Variants in VEPH1 observed in about 807,000 individuals in gnomAD.
The protein encoded by VEPH1 is ventricular zone-expressed PH domain-containing protein homolog 1.
VEPH1 carries 80 observed loss-of-function variants against 85.2 expected under a neutral mutation model. The observed-to-expected ratio is 0.94, with a 90% CI of 0.78 to 1.13. The LOEUF is 1.13. Ranked by LOEUF, VEPH1 falls within the 50% of genes most tolerant of loss-of-function variation. The probability of loss-of-function intolerance (pLI) is 0.00; values close to 1 mark genes in which losing one functional copy is unlikely to be tolerated. For synonymous variants in VEPH1, 297 were observed against 348.0 expected, an observed-to-expected ratio of 0.85 and a Z score of 1.63; for missense variants, 955 against 980.5, an observed-to-expected ratio of 0.97 and a Z score of 0.35.
chr3:157,284,459 C>A lies in VEPH1; in HGVS notation c.2128+2098G>T, dbSNP rs867475365. 9.9e-5 allele frequency among the ~76,000 whole-genome samples: 15 copies of A among 152,086 alleles called. No individual in the cohort carries two copies. The South Asian group carries it at 1.0e-3, about 11-fold the overall frequency. ...AAGGAATATGCTAGCTGTGCATGAC[C>A]AATAAAGCATTTGTTGCTATGTCTC... On this transcript the variant is annotated intron_variant, in intron 12 of 13. Transcript: ENST00000362010.
intron 4 of VEPH1, among the ~76,000 whole-genome samples, chr3:157,441,524 T>C (rs1413349284): frequency 2.0e-5 from 3 of 152,196 alleles, no homozygotes; most frequent in Non-Finnish European, 1.5e-5. Context: ...AAATGTATTC[T>C]GCAGGCCAGG....
chr3:157,379,686 C>T (rs1192064883), intron 7 of VEPH1, among the ~76,000 whole-genome samples: 2 of 152,212 alleles, frequency 1.3e-5, no homozygotes, highest in African/African-American at 4.8e-5. Context: ...CTGGAAATGG[C>T]ATGCATCATT....
chr3:157,381,611 T>G (rs932982557), intron 6 of VEPH1: 1 of 508,730 alleles, frequency 2.0e-6, no homozygotes, highest in South Asian at 2.2e-5. Flanking sequence ...CCCAGCTACT[T>G]GAGAGGCTGA....
intron 6 of VEPH1, among the ~76,000 whole-genome samples, chr3:157,386,491 G>A (rs1186256828): frequency 6.6e-6 from 1 of 152,110 alleles, no homozygotes; most frequent in African/African-American, 2.4e-5. Flanking sequence ...TTTCCAGGGG[G>A]AGGCAGTGGG....
At chr3:157,436,885 G>A (rs779979127) in intron 4 of VEPH1, 3 of 1,598,472 alleles carry the variant, frequency 1.9e-6, no homozygotes, top group Non-Finnish European at 2.6e-6. Context: ...CAGCTCACTT[G>A]AGAGTCTCCT....
chr3:157,369,180 G>GAAAAAAAAAAAAAAAAACAA (rs1727125257), intron 7 of VEPH1, among the ~76,000 whole-genome samples: 1 of 42,780 alleles, frequency 2.3e-5, no homozygotes, highest in African/African-American at 8.4e-5. Context: ...AAAACCAAAT[G>GAAAAAAAAAAAAAAAAACAA]AAAAAAAAAA....
intron 11 of VEPH1, 119 bp downstream of exon 11, chr3:157,313,499 GATA>G (rs1437472273): frequency 9.5e-6 from 11 of 1,162,796 alleles, no homozygotes; most frequent in African/African-American, 3.1e-5. Context: ...AGTGTTTTAT[GATA>G]ATAATAAAAG....
intron 9 of VEPH1, among the ~76,000 whole-genome samples, chr3:157,347,448 A>G (rs893878764): frequency 6.6e-6 from 1 of 152,220 alleles, no homozygotes; most frequent in Admixed American, 6.5e-5. Flanking sequence ...TGCTACATGA[A>G]ACATGGGCCA....
At chr3:157,307,891 T>A (rs1234441434) in intron 11 of VEPH1, among the ~76,000 whole-genome samples, 1 of 151,684 alleles carries the variant, frequency 6.6e-6, no homozygotes, top group Admixed American at 6.6e-5. Context: ...TATTAAAAAA[T>A]TTTTTATCAT....
intron 12 of VEPH1, among the ~76,000 whole-genome samples, chr3:157,278,018 C>G (rs577952239): frequency 6.6e-6 from 1 of 152,212 alleles, no homozygotes; most frequent in East Asian, 1.9e-4. Flanking sequence ...TTTATTGGTA[C>G]ATATTTATTG....
At chr3:157,390,283 G>A (rs986879675) in intron 6 of VEPH1, among the ~76,000 whole-genome samples, 2 of 152,154 alleles carry the variant, frequency 1.3e-5, no homozygotes, top group South Asian at 2.1e-4. Context: ...TTAGGGTTAC[G>A]ATTATAATTC....
intron 3 of VEPH1, among the ~76,000 whole-genome samples, chr3:157,460,695 A>C (rs1735785925): frequency 6.6e-6 from 1 of 152,176 alleles, no homozygotes; most frequent in African/African-American, 2.4e-5. Context: ...GACCTCATGG[A>C]TGAATAAGAG....
chr3:157,381,635 C>T (rs1728787136), intron 6 of VEPH1: 1 of 462,704 alleles, frequency 2.2e-6, no homozygotes, highest in Admixed American at 3.5e-5. Flanking sequence ...ACGAGAATCA[C>T]TTGAACGCAG....
intron 7 of VEPH1, among the ~76,000 whole-genome samples, chr3:157,373,905 T>A (rs1458769700): frequency 6.6e-6 from 1 of 152,212 alleles, no homozygotes; most frequent in African/African-American, 2.4e-5. Context: ...TGTCCTTACA[T>A]GGCAGAGCCA....
chr3:157,310,840 T>C (rs762293889), intron 11 of VEPH1, among the ~76,000 whole-genome samples: 2 of 152,154 alleles, frequency 1.3e-5, no homozygotes, highest in Non-Finnish European at 2.9e-5. Context: ...CCATATTTCA[T>C]TGGCTGAAGC....
chr3:157,445,436 C>T (rs967289431), intron 4 of VEPH1, among the ~76,000 whole-genome samples: 5 of 152,084 alleles, frequency 3.3e-5, no homozygotes, highest in Non-Finnish European at 7.4e-5. Context: ...TCCTGGCCAA[C>T]ATGGTGAAAC....
At chr3:157,338,788 C>T (rs925637919) in intron 9 of VEPH1, among the ~76,000 whole-genome samples, 1 of 152,184 alleles carries the variant, frequency 6.6e-6, no homozygotes, top group Non-Finnish European at 1.5e-5. Context: ...GTGATTCAGT[C>T]ACAAGCTCAA....
intron 5 of VEPH1, among the ~76,000 whole-genome samples, chr3:157,425,556 T>C (rs1732697144): frequency 6.6e-6 from 1 of 152,210 alleles, no homozygotes; most frequent in Admixed American, 6.5e-5. Context: ...GATTTCAGAC[T>C]TGCGTGGGAC....
intron 7 of VEPH1, among the ~76,000 whole-genome samples, chr3:157,370,106 A>C (rs931216387): frequency 1.3e-5 from 2 of 152,214 alleles, no homozygotes; most frequent in Non-Finnish European, 2.9e-5. Context: ...TAGTCTGAAC[A>C]GTTTCTGGTC....
Sources: gnomAD v4.1 joint callset for allele counts (sites outside exome capture counted in the v4.1 genomes callset) on GRCh38, gnomAD v4.1.1 for gene constraint, MANE v1.5 for transcripts, NCBI Gene and HGNC (gene_info 2026-07-23, HGNC 2026-07-21) for gene names.